PLA2R1: variants seen among roughly 807,000 people sequenced by gnomAD.
PLA2R1 encodes secretory phospholipase A2 receptor.
PLA2R1 carries 158 observed loss-of-function variants against 195.9 expected under a neutral mutation model. That is an observed-to-expected ratio of 0.81 (90% CI 0.71 to 0.92). The LOEUF (loss-of-function observed/expected upper bound fraction) is 0.92, where lower values mean the gene tolerates loss of function less well. PLA2R1 is among the 40% of genes least tolerant of loss of function. PLA2R1 has a pLI of 0.00. For missense variants in PLA2R1, 1,626 were observed against 1,764.6 expected, an observed-to-expected ratio of 0.92 and a Z score of 1.41; for synonymous variants, 586 against 598.2, an observed-to-expected ratio of 0.98 and a Z score of 0.30.
chr2:159,944,095 T>A (rs546972248), intron 28 of PLA2R1, among the ~76,000 whole-genome samples: 1 of 152,224 alleles, frequency 6.6e-6, no homozygotes, highest in Non-Finnish European at 1.5e-5. Context: ...CCTGGCACTC[T>A]GTGAAAGGAT....
chr2:160,029,860 A>AAG (rs1323652117), intron 4 of PLA2R1, among the ~76,000 whole-genome samples: 1 of 152,194 alleles, frequency 6.6e-6, no homozygotes, highest in African/African-American at 2.4e-5. Flanking sequence ...TTTAATCTAT[A>AAG]AAGGAGAGCA....
intron 3 of PLA2R1, among the ~76,000 whole-genome samples, chr2:160,034,109 T>C (rs139572229): frequency 9.4e-4 from 143 of 152,362 alleles, no homozygotes; most frequent in Admixed American, 2.9e-3. Flanking sequence ...AGAAGTTCTG[T>C]AGTAAAGAAA....
At chr2:159,983,086 C>T (rs1382162698) in intron 13 of PLA2R1, among the ~76,000 whole-genome samples, 1 of 152,172 alleles carries the variant, frequency 6.6e-6, no homozygotes, top group Admixed American at 6.5e-5. Flanking sequence ...AGATGACTGT[C>T]TTCAAATATT....
chr2:159,945,062 C>G lies in PLA2R1; in HGVS notation c.3988G>C (p.Asp1330His). Residue 1330 changes from aspartate (D) to histidine (H), a missense_variant, in exon 28 of 30, where the codon GAT (aspartate) becomes CAT (histidine). Transcript: ENST00000283243. ...TTTGACTGGTCTGTGGGAGTTCCAT[C>G]AAACCACTTTATGGTTTCATCTGTG... ...DGNNETIKWFDGTPTDQSNWG... is the reference protein window; with the variant it reads ...DGNNETIKWFHGTPTDQSNWG... 10 of 1,612,078 alleles carry G rather than the reference C, an allele frequency of 6.2e-6. No homozygotes were observed. Among genetic ancestry groups the G allele is most frequent in the Non-Finnish European group, 8.5e-6 (10 of 1,178,766 alleles).
At chr2:159,944,865 G>C in intron 28 of PLA2R1, 41 bp downstream of exon 28, 1 of 1,460,062 alleles carries the variant, frequency 6.8e-7, no homozygotes. Flanking sequence ...CATTAGTTAA[G>C]GTAGAATCAA....
rs145080815 is a variant in PLA2R1 at position 159,987,290 on chromosome 2, G to A, written c.1903C>T (p.Arg635Trp). 80 of 1,612,788 alleles carry A rather than the reference G, an allele frequency of 5.0e-5. No homozygotes were observed. Among genetic ancestry groups the A allele is most frequent in the East Asian group, 1.6e-4 (7 of 44,830 alleles). The change falls in exon 12 of 30, where the codon CGG becomes TGG. Residue 635 changes from arginine to tryptophan, a missense_variant. By Grantham distance (101) the Arg-to-Trp change is moderately radical (BLOSUM62 -3). Transcript: ENST00000283243. The stretch of plus-strand genomic sequence containing the variant: ...CACAAGGACATTGCCTTAAAGTGCC[G>A]ACAGTGCTTCACTTCCCAGCGACCA... ...PLGRWEVKHC[R>W]HFKAMSLCKQ...
At chr2:160,020,664 A>T (rs890796904) in intron 7 of PLA2R1, among the ~76,000 whole-genome samples, 3 of 152,166 alleles carry the variant, frequency 2.0e-5, no homozygotes, top group Non-Finnish European at 2.9e-5. Context: ...CCCCCTCTCC[A>T]TGTGATGCCC....
downstream of PLA2R1, among the ~76,000 whole-genome samples, chr2:159,927,230 C>T (rs1334364464): frequency 6.6e-6 from 1 of 152,180 alleles, no homozygotes; most frequent in African/African-American, 2.4e-5. Flanking sequence ...ACTCAATGAT[C>T]TTCTAGTTCC....
chr2:160,009,763 T>C (rs74972546), intron 10 of PLA2R1, among the ~76,000 whole-genome samples: 3,162 of 152,232 alleles, frequency 0.021, 62 homozygotes, highest in Non-Finnish European at 0.035. Flanking sequence ...TGGGGAGATA[T>C]GACAGTTGCA....
rs1162669945 is a variant in PLA2R1, at chr2:159,976,238, C to T, written c.2438-13G>A. 10 of 1,584,346 alleles carry T rather than the reference C, an allele frequency of 6.3e-6. No homozygotes were observed. The South Asian group carries it at 9.1e-5, about 14-fold the overall frequency. On this transcript the variant is annotated splice_polypyrimidine_tract_variant and intron_variant, in intron 16 of 29. Coordinates refer to ENST00000283243, the MANE Select transcript of PLA2R1 (RefSeq NM_007366.5). ...AGCCAGGGTACATCTGAAAAAGAAA[C>T]AGTGAAAATAATGCTGAAATGATAA...
intron 20 of PLA2R1, among the ~76,000 whole-genome samples, chr2:159,964,191 A>G (rs1386672832): frequency 1.3e-5 from 2 of 152,234 alleles, no homozygotes; most frequent in Non-Finnish European, 2.9e-5. Flanking sequence ...TAGAATAGGC[A>G]CATTCACAGG....
chr2:160,020,392 T>C, intron 7 of PLA2R1, 129 bp from the exon 8 acceptor site: 2 of 638,852 alleles, frequency 3.1e-6, no homozygotes, highest in East Asian at 5.5e-5. Context: ...TGATGAAATC[T>C]GTTTAAGTCT....
In PLA2R1 at chr2:160,002,426, G is replaced by A. The variant is rs577971537; in HGVS notation, c.1834+3226C>T. On this transcript the variant is annotated intron_variant, in intron 11 of 29. Transcript: ENST00000283243. ...AAATGTTTACTGTATATATAGTTCT[G>A]TAGAGAATAAAAGTGAACACTCTCC... 4.6e-5 allele frequency among the ~76,000 whole-genome samples: 7 copies of A among 152,032 alleles called. No individual in the cohort carries two copies. The South Asian group carries it at 6.2e-4, about 14-fold the overall frequency.
rs182503950 is a variant in PLA2R1, at chr2:159,965,228, G to T, written c.2904+2311C>A. ...GTACATTCTATGAGTTTGTACAAAT[G>T]TCTAGTGACATGCATCCACCATTGT... On this transcript the variant is annotated intron_variant, in intron 20 of 29. Coordinates refer to ENST00000283243, the MANE Select transcript of PLA2R1 (RefSeq NM_007366.5). Among the ~76,000 whole-genome samples the T allele has an allele frequency of 3.3e-3, 506 of 152,298 alleles. 2 individuals are homozygous for T. The highest frequency in any genetic ancestry group is 5.5e-3 in the Admixed American group (84 of 15,276).
chr2:160,043,489 A>G (rs1047288087), intron 2 of PLA2R1, among the ~76,000 whole-genome samples: 2 of 152,136 alleles, frequency 1.3e-5, no homozygotes, highest in African/African-American at 4.8e-5. Flanking sequence ...CCAGCAGTGG[A>G]GAGCCCCACC....
Position 159,987,143 on chromosome 2 carries a change from A to T in PLA2R1, c.2037+13T>A. ...TGGTCCTGTTAAGAATGTCCATGTA[A>T]CCTTGGTATCACCTTGAAGCAACTG... is the stretch of plus-strand genomic sequence containing the variant. On this transcript the variant is annotated intron_variant, in intron 12 of 29. Transcript: ENST00000283243. 6.3e-7 allele frequency: 1 copy of T among 1,590,090 alleles called. No individual in the cohort carries two copies. Among genetic ancestry groups the T allele is most frequent in the Non-Finnish European group, 8.6e-7 (1 of 1,158,240 alleles).
Position 159,955,824 on chromosome 2 carries a change from G to A in PLA2R1, c.3027C>T (p.Phe1009=). The A allele has an allele frequency of 6.3e-7, 1 of 1,593,072 alleles. No homozygotes were observed. Among genetic ancestry groups the A allele is most frequent in the Non-Finnish European group, 8.6e-7 (1 of 1,166,262 alleles). Residue 1009 remains phenylalanine (F), a synonymous_variant, in exon 22 of 30, where the codon TTC becomes TTT. Transcript: ENST00000283243. ...TCTGGCCAAAAAGATTCATAGTAAT[G>A]AAAGCTGAAAAACAGGAATACATTA... is the stretch of plus-strand genomic sequence containing the variant. The part of the protein sequence containing the change: ...VAIESEVEQA[F]ITMNLFGQTT...
intron 11 of PLA2R1, among the ~76,000 whole-genome samples, chr2:160,003,930 G>T (rs983750038): frequency 6.6e-6 from 1 of 152,190 alleles, no homozygotes; most frequent in Non-Finnish European, 1.5e-5. Flanking sequence ...GATGTGGAAA[G>T]TTCTCTAAGA....
intron 28 of PLA2R1, among the ~76,000 whole-genome samples, chr2:159,943,677 A>G (rs1047562094): frequency 3.3e-5 from 5 of 152,226 alleles, no homozygotes; most frequent in Non-Finnish European, 5.9e-5. Flanking sequence ...AGGATGAAAC[A>G]GGTGTCATCT....
Sources: gnomAD v4.1 joint callset for allele counts (sites outside exome capture counted in the v4.1 genomes callset) on GRCh38, gnomAD v4.1.1 for gene constraint, MANE v1.5 for transcripts, NCBI Gene and HGNC (gene_info 2026-07-23, HGNC 2026-07-21) for gene names.